SLC25A37: variants seen among roughly 807,000 people sequenced by gnomAD.
The protein encoded by SLC25A37 is solute carrier family 25 member 37.
SLC25A37 carries 17 observed loss-of-function variants against 31.0 expected under a neutral mutation model. The observed-to-expected ratio is 0.55, with a 90% CI of 0.38 to 0.82. SLC25A37 has a LOEUF of 0.82. Ranked by LOEUF, SLC25A37 falls within the 40% of genes least tolerant of loss-of-function variation. The pLI, the probability that SLC25A37 is intolerant of heterozygous loss-of-function variation, is 0.00. For synonymous variants in SLC25A37, 222 were observed against 193.0 expected (o/e 1.15, Z -1.24); for missense variants, 404 against 465.8 (o/e 0.87, Z 1.22).
At chr8:23,552,132 C>T (rs1272850185) in intron 1 of SLC25A37, among the ~76,000 whole-genome samples, 2 of 152,194 alleles carry the variant, frequency 1.3e-5, no homozygotes, top group Admixed American at 6.5e-5. Context: ...CAAGATTAAG[C>T]TAGTTCTGTG....
At chr8:23,543,851 T>G (rs1381886901) in intron 1 of SLC25A37, among the ~76,000 whole-genome samples, 3 of 151,844 alleles carry the variant, frequency 2.0e-5, no homozygotes, top group Non-Finnish European at 2.9e-5. Context: ...CGATGTGGTA[T>G]TTTCACTGTA....
At chr8:23,550,456 C>G (rs1001631744) in intron 1 of SLC25A37, among the ~76,000 whole-genome samples, 5 of 152,328 alleles carry the variant, frequency 3.3e-5, no homozygotes, top group African/African-American at 1.2e-4. Context: ...CTTTAAAAAT[C>G]CCTTCTTCTG....
chr8:23,556,437 A>C (rs1006713358), intron 1 of SLC25A37, among the ~76,000 whole-genome samples: 5 of 151,920 alleles, frequency 3.3e-5, no homozygotes, highest in African/African-American at 1.2e-4. Context: ...TGTTGTCCAG[A>C]CTGGGCTTGA....
chr8:23,550,199 AAAC>A (rs1802186288), intron 1 of SLC25A37, among the ~76,000 whole-genome samples: 2 of 131,254 alleles, frequency 1.5e-5, no homozygotes, highest in South Asian at 2.4e-4. Context: ...AAAAAAAAAA[AAAC>A]ACAAAAAAAC....
chr8:23,571,116 G>T (rs1185675519), intron 3 of SLC25A37, among the ~76,000 whole-genome samples: 1 of 152,208 alleles, frequency 6.6e-6, no homozygotes, highest in African/African-American at 2.4e-5. Context: ...CCAGGCGTGA[G>T]TCCTGGAGAT....
chr8:23,545,769 CAG>C (rs1802019208), intron 1 of SLC25A37, among the ~76,000 whole-genome samples: 1 of 151,690 alleles, frequency 6.6e-6, no homozygotes, highest in African/African-American at 2.4e-5. Context: ...GAGGCTGAGG[CAG>C]GGGGATTGCT....
intron 1 of SLC25A37, among the ~76,000 whole-genome samples, chr8:23,546,513 GTATATATATATATAGGTGTATATA>G (rs1232496988): frequency 1.9e-4 from 13 of 67,790 alleles, no homozygotes; most frequent in African/African-American, 3.5e-4. Flanking sequence ...ATATATATAG[GTATATATATATATAGGTGTATATA>G]TATATATATA....
intron 1 of SLC25A37, among the ~76,000 whole-genome samples, chr8:23,547,246 A>G (rs928640661): frequency 6.6e-6 from 1 of 152,244 alleles, no homozygotes; most frequent in Non-Finnish European, 1.5e-5. Flanking sequence ...GGAGAGCCAC[A>G]GAGAACATTT....
chr8:23,571,836 A>G lies in SLC25A37; in HGVS notation c.998A>G (p.Glu333Gly), dbSNP rs759792762. The G allele has an allele frequency of 1.1e-5, 17 of 1,611,468 alleles. No individual in the cohort carries two copies. Among genetic ancestry groups the G allele is most frequent in the Non-Finnish European group, 1.4e-5 (17 of 1,177,856 alleles). Residue 333 changes from glutamate (E) to glycine (G), a missense_variant, in exon 4 of 4, where the codon GAA becomes GGA. Glu to Gly is a moderately conservative substitution (Grantham distance 98). Transcript: ENST00000519973. ...TACTTTCTCACCAAGCGCCAGCTGG[A>G]AAATCGAGCTCCATACTAAAGGAAG... The part of the protein sequence containing the change: ...FKYFLTKRQL[E>G]NRAPY
intron 1 of SLC25A37, among the ~76,000 whole-genome samples, chr8:23,559,994 A>G (rs1802471569): frequency 6.6e-6 from 1 of 152,178 alleles, no homozygotes; most frequent in Admixed American, 6.5e-5. Flanking sequence ...CTTCATTTTT[A>G]CATTTTACAG....
chr8:23,566,537 C>T (rs1228480532), intron 2 of SLC25A37: 2 of 1,330,990 alleles, frequency 1.5e-6, no homozygotes, highest in African/African-American at 1.5e-5. Context: ...TTTTTCTGTT[C>T]CCCTCCGCTT....
intron 1 of SLC25A37, among the ~76,000 whole-genome samples, chr8:23,546,558 A>ATATATATATATATATATAGTG (rs1585182542): frequency 1.0e-3 from 34 of 32,692 alleles, no homozygotes; most frequent in South Asian, 2.2e-3. Flanking sequence ...TATATAGTGT[A>ATATATATATATATATATAGTG]TATATATATA....
intron 1 of SLC25A37, among the ~76,000 whole-genome samples, chr8:23,549,345 C>T (rs993673344): frequency 1.3e-5 from 2 of 152,114 alleles, no homozygotes; most frequent in African/African-American, 4.8e-5. Flanking sequence ...AATTGTATGC[C>T]GGAGCTCTTG....
chr8:23,546,668 T>A (rs1442163869), intron 1 of SLC25A37, among the ~76,000 whole-genome samples: 1 of 149,876 alleles, frequency 6.7e-6, no homozygotes, highest in Non-Finnish European at 1.5e-5. Flanking sequence ...TTAAATTGCC[T>A]TACTTAGAAA....
chr8:23,570,814 C>G (rs1802804759), intron 3 of SLC25A37, among the ~76,000 whole-genome samples: 1 of 152,202 alleles, frequency 6.6e-6, no homozygotes, highest in Non-Finnish European at 1.5e-5. Flanking sequence ...CTTGGGCAGA[C>G]ATAATTCTAG....
chr8:23,529,606 C>T lies in SLC25A37; in HGVS notation c.210+394C>T, dbSNP rs1318598996. Among the ~76,000 whole-genome samples, 2 of 152,290 alleles carry T rather than the reference C, an allele frequency of 1.3e-5. No homozygotes were observed. Among genetic ancestry groups the T allele is most frequent in the Admixed American group, 6.5e-5 (1 of 15,304 alleles). On this transcript the variant is annotated intron_variant, in intron 1 of 3. Transcript: ENST00000519973. The surrounding 1 kb of genome is among the most constrained non-coding windows in gnomAD (Gnocchi z 4.1). The stretch of plus-strand genomic sequence containing the variant: ...GGCTGGCTGGGGCCGCCCACACGTG[C>T]GCGGTTTCCGAGGGAGCTCCCCGCA...
At chr8:23,542,780 TGCATTGG>T (rs1404371031) in intron 1 of SLC25A37, among the ~76,000 whole-genome samples, 3 of 150,776 alleles carry the variant, frequency 2.0e-5, no homozygotes, top group Non-Finnish European at 2.9e-5. Context: ...AGGTGCCAGC[TGCATTGG>T]GACAAGATGT....
chr8:23,566,165 G>A lies in SLC25A37; in HGVS notation c.268G>A (p.Ala90Thr). Residue 90 changes from alanine (A) to threonine (T), a missense_variant, in exon 2 of 4, where the codon GCC becomes ACC. Coordinates refer to ENST00000519973, the MANE Select transcript of SLC25A37 (RefSeq NM_016612.4). The stretch of plus-strand genomic sequence containing the variant: ...AGCCCAGTACACAAGTATCTACGGA[G>A]CCCTCAAGAAAATCATGCGGACCGA... ...PKAQYTSIYG[A>T]LKKIMRTEGF... 2 of 1,605,032 alleles carry A rather than the reference G, an allele frequency of 1.2e-6. No homozygotes were observed. Among genetic ancestry groups the A allele is most frequent in the South Asian group, 2.2e-5 (2 of 88,928 alleles).
intron 1 of SLC25A37, among the ~76,000 whole-genome samples, chr8:23,561,058 A>C (rs1363724897): frequency 6.6e-6 from 1 of 152,198 alleles, no homozygotes; most frequent in Non-Finnish European, 1.5e-5. Flanking sequence ...CACTCAGTAA[A>C]TCTACGTTTT....
Sources: gnomAD v4.1 joint callset for allele counts (sites outside exome capture counted in the v4.1 genomes callset) on GRCh38, gnomAD v4.1.1 for gene constraint, Gnocchi (gnomAD v3.1) non-coding constraint, MANE v1.5 for transcripts, NCBI Gene and HGNC (gene_info 2026-07-23, HGNC 2026-07-21) for gene names.